Variants in LRP1B observed in about 807,000 individuals in gnomAD.
The protein encoded by LRP1B is low-density lipoprotein receptor-related protein 1B.
Under a neutral mutation model 556.6 loss-of-function variants are expected in LRP1B, and 217 were observed. The ratio of observed to expected loss-of-function variants is 0.39; its 90% CI spans 0.35 to 0.44. LRP1B has a LOEUF of 0.44. LRP1B is among the 20% of genes least tolerant of loss of function. The probability of loss-of-function intolerance (pLI) is 1.00; values close to 1 mark genes in which losing one functional copy is unlikely to be tolerated. For missense variants in LRP1B, 5,053 were observed against 5,620.8 expected (o/e 0.90, Z 3.23); for synonymous variants, 2,047 against 1,865.8 (o/e 1.10, Z -2.50).
chr2:141,521,085 A>G (rs962576766), intron 2 of LRP1B, among the ~76,000 whole-genome samples: 4 of 152,196 alleles, frequency 2.6e-5, no homozygotes, highest in Admixed American at 2.6e-4. Flanking sequence ...AGAAAAATAC[A>G]TATATCAGTG....
chr2:141,213,167 GT>G (rs1435201190), intron 6 of LRP1B, among the ~76,000 whole-genome samples: 3 of 150,872 alleles, frequency 2.0e-5, no homozygotes, highest in African/African-American at 7.3e-5. Flanking sequence ...GCCCGGGTTG[GT>G]CTTGAACCCC....
At chr2:141,319,009 T>C (rs974194457) in intron 3 of LRP1B, among the ~76,000 whole-genome samples, 1 of 152,058 alleles carries the variant, frequency 6.6e-6, no homozygotes, top group African/African-American at 2.4e-5. Flanking sequence ...ATTCCTATAG[T>C]TTTCCTTGTT....
At chr2:140,774,919 G>A (rs185234221) in intron 33 of LRP1B, among the ~76,000 whole-genome samples, 4 of 152,102 alleles carry the variant, frequency 2.6e-5, no homozygotes, top group Admixed American at 6.5e-5. Context: ...CAGGTTATAC[G>A]TTCTCAGGTA....
chr2:142,109,231 C>A (rs911065166), intron 1 of LRP1B, among the ~76,000 whole-genome samples: 1 of 152,118 alleles, frequency 6.6e-6, no homozygotes, highest in Non-Finnish European at 1.5e-5. Context: ...CATTATGGAC[C>A]TCAGTGGACT....
At chr2:140,337,021 T>C (rs559029533) in intron 77 of LRP1B, among the ~76,000 whole-genome samples, 5 of 151,852 alleles carry the variant, frequency 3.3e-5, no homozygotes, top group Non-Finnish European at 7.4e-5. Context: ...TTTTAACACA[T>C]GAAGTCTTCT....
At chr2:140,325,505 CAGAATGAAAT>C (rs1209624204) in intron 80 of LRP1B, among the ~76,000 whole-genome samples, 1 of 152,034 alleles carries the variant, frequency 6.6e-6, no homozygotes, top group Non-Finnish European at 1.5e-5. Context: ...ACGGAAGCCA[CAGAATGAAAT>C]TATTTTCTGA....
In LRP1B at chr2:141,519,360, GATATATATATATATATATATATATATAT is replaced by G. The variant is rs60473210; in HGVS notation, c.206-38855_206-38828del. ...CACCATGTGTGGGGCTTAAGTCAATGATATATATATATATATATATATATATATATATATATATATATGAAATGCAATA... is the reference window on the plus strand; with the variant it reads ...CACCATGTGTGGGGCTTAAGTCAATGATATATATATATATGAAATGCAATA... On this transcript the variant is annotated intron_variant, in intron 2 of 90. Coordinates refer to ENST00000389484, the MANE Select transcript of LRP1B (RefSeq NM_018557.3). 5.1e-4 allele frequency among the ~76,000 whole-genome samples: 35 copies of G among 68,320 alleles called. 2 individuals are homozygous for G. Among genetic ancestry groups the G allele is most frequent in the Admixed American group, 1.1e-3 (6 of 5,408 alleles). The allele number at this position is 68,320 out of a possible 152,430, so 44.8% of individuals were successfully genotyped here.
chr2:141,373,218 T>C (rs918935322), intron 3 of LRP1B, among the ~76,000 whole-genome samples: 20 of 152,236 alleles, frequency 1.3e-4, no homozygotes, highest in Middle Eastern at 3.4e-3. Flanking sequence ...AATCACTTGA[T>C]GTGATTTCAA....
chr2:142,086,224 T>A (rs1199571427), intron 1 of LRP1B, among the ~76,000 whole-genome samples: 2 of 152,136 alleles, frequency 1.3e-5, no homozygotes, highest in African/African-American at 4.8e-5. Flanking sequence ...AAGAGGCAAG[T>A]TAGTCCTTAG....
chr2:141,932,487 A>G (rs1401678090), intron 1 of LRP1B, among the ~76,000 whole-genome samples: 1 of 152,000 alleles, frequency 6.6e-6, no homozygotes, highest in Non-Finnish European at 1.5e-5. Flanking sequence ...TCTATTTTAC[A>G]TTTTTCATCA....
intron 2 of LRP1B, among the ~76,000 whole-genome samples, chr2:141,769,345 C>T (rs1388293523): frequency 6.6e-6 from 1 of 152,144 alleles, no homozygotes. Context: ...CCACTGTAAT[C>T]CCTTGCAGTT....
At chr2:140,925,853 C>T (rs1340643203) in intron 20 of LRP1B, among the ~76,000 whole-genome samples, 1 of 152,094 alleles carries the variant, frequency 6.6e-6, no homozygotes, top group East Asian at 1.9e-4. Flanking sequence ...ATTACATTAG[C>T]ACCTTCCTTT....
intron 45 of LRP1B, among the ~76,000 whole-genome samples, chr2:140,540,232 A>T (rs1052063682): frequency 1.3e-5 from 2 of 152,096 alleles, no homozygotes; most frequent in African/African-American, 4.8e-5. Flanking sequence ...CAAATCTGAC[A>T]CATCCTGAGA....
At chr2:140,364,039 G>T (rs1173756082) in intron 72 of LRP1B, among the ~76,000 whole-genome samples, 8 of 151,530 alleles carry the variant, frequency 5.3e-5, no homozygotes. Flanking sequence ...ATATTTGTTG[G>T]TCTCATAAGC....
chr2:141,273,363 G>A (rs1685160707), intron 3 of LRP1B, among the ~76,000 whole-genome samples: 1 of 151,868 alleles, frequency 6.6e-6, no homozygotes, highest in African/African-American at 2.4e-5. Context: ...AAGACAGGGT[G>A]GTACTGGCAT....
At chr2:140,988,943 C>A (rs2105351808) in intron 17 of LRP1B, among the ~76,000 whole-genome samples, 1 of 152,126 alleles carries the variant, frequency 6.6e-6, no homozygotes, top group African/African-American at 2.4e-5. Flanking sequence ...TCTGGCACTC[C>A]ATTGTAAACT....
At chr2:141,928,814 C>A (rs1461433551) in intron 1 of LRP1B, among the ~76,000 whole-genome samples, 1 of 152,092 alleles carries the variant, frequency 6.6e-6, no homozygotes, top group Non-Finnish European at 1.5e-5. Flanking sequence ...ACAAGTAAGT[C>A]CTCTACTTTT....
rs35091865 is a variant in LRP1B, at chr2:140,336,387, C to CTTTT, written c.11893-553_11893-550dup. Among the ~76,000 whole-genome samples the CTTTT allele has an allele frequency of 5.0e-4, 73 of 147,420 alleles. 1 individual carries two copies. The Middle Eastern group carries it at 0.011, about 21-fold the overall frequency. On this transcript the variant is annotated intron_variant, in intron 77 of 90. Coordinates refer to ENST00000389484, the MANE Select transcript of LRP1B (RefSeq NM_018557.3). ...AACTAAAGTTATGGATAGTTTAGTA[C>CTTTT]TTTTTTTTTTTTTGATGGATACAAA...
chr2:140,638,916 G>A (rs555631269), intron 41 of LRP1B, among the ~76,000 whole-genome samples: 25 of 150,658 alleles, frequency 1.7e-4, no homozygotes, highest in South Asian at 1.5e-3. Context: ...TATATAGTTC[G>A]TATTTCATAT....
Sources: allele counts gnomAD v4.1 joint callset (sites outside exome capture counted in the v4.1 genomes callset), GRCh38; gene constraint gnomAD v4.1.1; transcripts MANE v1.5; gene names NCBI Gene and HGNC (gene_info 2026-07-23, HGNC 2026-07-21).